The following DST variants were observed in gnomAD, a reference collection of about 807,000 sequenced individuals.
DST encodes dystonin, also known as bullous pemphigoid antigen.
DST carries 253 observed loss-of-function variants against 875.2 expected under a neutral mutation model. That is an observed-to-expected ratio of 0.29 (90% CI 0.26 to 0.32). The LOEUF is 0.32. Ranked by LOEUF, DST falls within the 10% of genes least tolerant of loss-of-function variation. The probability of loss-of-function intolerance (pLI) is 1.00; values close to 1 mark genes in which losing one functional copy is unlikely to be tolerated. For missense variants in DST, 8,287 were observed against 9,111.6 expected, an observed-to-expected ratio of 0.91 and a Z score of 3.68; for synonymous variants, 3,124 against 3,197.1, an observed-to-expected ratio of 0.98 and a Z score of 0.77.
chr6:56,635,811 A>T, intron 23 of DST, 97 bp from the exon 24 acceptor site: 1 of 1,283,096 alleles, frequency 7.8e-7, no homozygotes, highest in South Asian at 1.2e-5. Context: ...TGTACCCCTC[A>T]TAAGTGAGAA....
intron 4 of DST, among the ~76,000 whole-genome samples, chr6:56,736,361 C>T (rs1392797124): frequency 6.6e-6 from 1 of 152,218 alleles, no homozygotes; most frequent in African/African-American, 2.4e-5. Flanking sequence ...TGCTGTGGTT[C>T]ATCAAGTTAT....
At chr6:56,828,971 C>A (rs1010440096) in intron 4 of DST, among the ~76,000 whole-genome samples, 10 of 152,160 alleles carry the variant, frequency 6.6e-5, no homozygotes, top group African/African-American at 1.9e-4. Context: ...AAGCTGAAGA[C>A]CACAGTCCCT....
chr6:56,947,630 T>G (rs1196555564), intron 2 of DST, among the ~76,000 whole-genome samples: 1 of 152,236 alleles, frequency 6.6e-6, no homozygotes, highest in South Asian at 2.1e-4. Context: ...TTTTGTCAAC[T>G]GTCATGTAGT....
chr6:56,661,365 G>A (rs149785404), intron 10 of DST, among the ~76,000 whole-genome samples: 46 of 152,302 alleles, frequency 3.0e-4, no homozygotes, highest in Middle Eastern at 3.4e-3. Flanking sequence ...AGAAAGGTAA[G>A]AGAATGCTAA....
At chr6:56,640,800 C>T (rs1357759572) in intron 17 of DST, among the ~76,000 whole-genome samples, 195 bp from the exon 18 acceptor site, 2 of 152,098 alleles carry the variant, frequency 1.3e-5, no homozygotes, top group African/African-American at 2.4e-5. Flanking sequence ...TATGGGAACT[C>T]TGTATTTTTC....
intron 4 of DST, among the ~76,000 whole-genome samples, chr6:56,761,824 T>A (rs2099617926): frequency 6.6e-6 from 1 of 152,190 alleles, no homozygotes; most frequent in Non-Finnish European, 1.5e-5. Flanking sequence ...AGAACTTACA[T>A]CACAATCACT....
At chr6:56,851,705 C>G in intron 3 of DST, 101 bp from the exon 4 acceptor site, 3 of 1,553,114 alleles carry the variant, frequency 1.9e-6, no homozygotes, top group Non-Finnish European at 2.6e-6. Flanking sequence ...CTCCCTGCCC[C>G]CAAACTGGGT....
Position 56,605,937 on chromosome 6 carries a change from T to C in DST, c.8691A>G (p.Glu2897=). The C allele has an allele frequency of 6.2e-7, 1 of 1,612,894 alleles. No homozygotes were observed. Among genetic ancestry groups the C allele is most frequent in the Non-Finnish European group, 8.5e-7 (1 of 1,179,468 alleles). Residue 2897 remains glutamate, a synonymous_variant, in exon 40 of 104, where the codon GAA becomes GAG. Transcript: ENST00000680361. Reference sequence around the variant, plus strand: ...TTTTTCCAGCAATCTCAGTTGTATATTCTGGAAGGTTGCTTTTTTCAGTAA... The same window carrying C: ...TTTTTCCAGCAATCTCAGTTGTATACTCTGGAAGGTTGCTTTTTTCAGTAA... The part of the protein sequence containing the change: ...NLVTEKSNLP[E]YTTEIAGKSK...
intron 3 of DST, among the ~76,000 whole-genome samples, chr6:56,898,817 T>C (rs1204785085): frequency 6.6e-6 from 1 of 152,256 alleles, no homozygotes; most frequent in African/African-American, 2.4e-5. Context: ...TCTGTAAATA[T>C]TTCTGGAGAT....
At chr6:56,634,044 T>C in intron 27 of DST, 88 bp downstream of exon 27, 2 of 1,502,138 alleles carry the variant, frequency 1.3e-6, no homozygotes, top group Non-Finnish European at 1.8e-6. Context: ...CTCCATCCTA[T>C]TCTAAAGCAA....
chr6:56,503,572 C>T (rs2096207375), intron 78 of DST, among the ~76,000 whole-genome samples: 1 of 140,446 alleles, frequency 7.1e-6, no homozygotes, highest in Non-Finnish European at 1.5e-5. Flanking sequence ...TATCTAAATA[C>T]ATCTCTCTCT....
intron 12 of DST, 31 bp downstream of exon 12, chr6:56,650,894 AC>A: frequency 7.2e-7 from 1 of 1,393,232 alleles, no homozygotes; most frequent in Non-Finnish European, 1.0e-6. Context: ...TACTGAATCA[AC>A]AGCTTCCGGT....
chr6:56,464,763 A>G lies in DST; in HGVS notation c.22688-7T>C, dbSNP rs944465711. 3.2e-6 allele frequency: 5 copies of G among 1,583,974 alleles called. No individual in the cohort carries two copies. The highest frequency in any genetic ancestry group is 1.7e-4 in the Middle Eastern group (1 of 6,044). On this transcript the variant is annotated splice_region_variant and splice_polypyrimidine_tract_variant and intron_variant, in intron 99 of 103. Transcript: ENST00000680361. Reference sequence around the variant, plus strand: ...TTACTCCCATGATGATGAACTAGAAAAAATGACACAGGATACCAATCACAT... The same window carrying G: ...TTACTCCCATGATGATGAACTAGAAGAAATGACACAGGATACCAATCACAT...
At chr6:56,499,886 C>T (rs2096063258) in intron 80 of DST, among the ~76,000 whole-genome samples, 1 of 152,100 alleles carries the variant, frequency 6.6e-6, no homozygotes, top group Non-Finnish European at 1.5e-5. Flanking sequence ...CAGTTGGTCT[C>T]ACCAGTCATT....
At chr6:56,628,884 G>C (rs954324263) in intron 32 of DST, among the ~76,000 whole-genome samples, 2 of 152,098 alleles carry the variant, frequency 1.3e-5, no homozygotes, top group African/African-American at 4.8e-5. Context: ...CTTAAGTCCA[G>C]TATAGAAGCT....
chr6:56,527,419 T>C, intron 68 of DST, 74 bp downstream of exon 68: 1 of 1,509,662 alleles, frequency 6.6e-7, no homozygotes. Flanking sequence ...AAGACAAATA[T>C]AATTTTATTT....
In DST at chr6:56,462,942, G is replaced by A. The variant is rs1467543508; in HGVS notation, c.23070+104C>T. On this transcript the variant is annotated intron_variant, in intron 102 of 103. Transcript: ENST00000680361. ...TATAGAAGTGTATAAAAAGACATAG[G>A]GTTAGCAAAGTACATATATTTAGGG... is the stretch of plus-strand genomic sequence containing the variant. 4.8e-6 allele frequency: 3 copies of A among 622,380 alleles called. No homozygotes were observed. The South Asian group carries it at 7.7e-5, about 16-fold the overall frequency. The allele number at this position is 622,380 out of a possible 1,614,324, so 38.6% of individuals were successfully genotyped here.
chr6:56,580,603 A>G (rs1049638419), intron 49 of DST, among the ~76,000 whole-genome samples: 2 of 151,752 alleles, frequency 1.3e-5, no homozygotes, highest in African/African-American at 2.4e-5. Context: ...AATAAATTTC[A>G]TAATTACAGA....
chr6:56,652,541 T>C (rs1469966812), intron 10 of DST, among the ~76,000 whole-genome samples: 1 of 152,208 alleles, frequency 6.6e-6, no homozygotes, highest in Non-Finnish European at 1.5e-5. Context: ...AGAAATGAAA[T>C]GCAGATTATT....
Sources: gnomAD v4.1 joint callset for allele counts (sites outside exome capture counted in the v4.1 genomes callset) on GRCh38, gnomAD v4.1.1 for gene constraint, MANE v1.5 for transcripts, NCBI Gene and HGNC (gene_info 2026-07-23, HGNC 2026-07-21) for gene names.